RNF17: variants seen among roughly 807,000 people sequenced by gnomAD.
RNF17 encodes ring finger protein 17.
RNF17 carries 31 observed loss-of-function variants against 200.5 expected under a neutral mutation model. That is an observed-to-expected ratio of 0.15 (90% CI 0.12 to 0.21). RNF17 has a LOEUF of 0.21. Ranked by LOEUF, RNF17 falls within the 10% of genes least tolerant of loss-of-function variation. The pLI, the probability that RNF17 is intolerant of heterozygous loss-of-function variation, is 1.00. For synonymous variants in RNF17, 606 were observed against 637.8 expected (o/e 0.95, Z 0.75); for missense variants, 1,628 against 1,905.1 (o/e 0.85, Z 2.71).
At chr13:24,851,334 G>T in intron 23 of RNF17, 122 bp from the exon 24 acceptor site, 1 of 731,176 alleles carries the variant, frequency 1.4e-6, no homozygotes, top group South Asian at 1.6e-5. Context: ...AAAATAACTT[G>T]ACTCAGCTGG....
intron 9 of RNF17, among the ~76,000 whole-genome samples, chr13:24,792,403 A>C (rs1456588388): frequency 1.3e-5 from 2 of 151,988 alleles, no homozygotes; most frequent in Admixed American, 1.3e-4. Context: ...AAGCAGAGAA[A>C]GGGTAATCTG....
intron 33 of RNF17, among the ~76,000 whole-genome samples, chr13:24,874,931 A>G (rs7323957): frequency 0.02 from 3,006 of 152,230 alleles, 100 homozygotes; most frequent in African/African-American, 0.069. Flanking sequence ...CATATAAGTA[A>G]ATTCATACAG....
rs558816778 is a variant in RNF17, at chr13:24,812,328, G to C, written c.2091+7899G>C. On this transcript the variant is annotated intron_variant, in intron 15 of 35. Transcript: ENST00000255324. ...GCGTAGGACACTCTGAGCCATGTGCGGGATATAATCTCCTGGCGCGCCATT... is the reference window on the plus strand; with the variant it reads ...GCGTAGGACACTCTGAGCCATGTGCCGGATATAATCTCCTGGCGCGCCATT... Among the ~76,000 whole-genome samples the C allele has an allele frequency of 2.0e-5, 3 of 152,020 alleles. 1 individual carries two copies. In the East Asian group the frequency reaches 6.0e-4, roughly 30 times the overall value.
At chr13:24,838,391 A>G (rs940911386) in intron 18 of RNF17, among the ~76,000 whole-genome samples, 1 of 152,128 alleles carries the variant, frequency 6.6e-6, no homozygotes, top group African/African-American at 2.4e-5. Context: ...AAAGAAAACT[A>G]TAGACTGATA....
At chr13:24,873,015 T>C (rs2138433753) in intron 32 of RNF17, among the ~76,000 whole-genome samples, 1 of 152,278 alleles carries the variant, frequency 6.6e-6, no homozygotes, top group East Asian at 1.9e-4. Flanking sequence ...GACTTGATAT[T>C]ACAGGCAGTT....
At chr13:24,813,925 G>A (rs1230860086) in intron 15 of RNF17, among the ~76,000 whole-genome samples, 1 of 146,938 alleles carries the variant, frequency 6.8e-6, no homozygotes, top group African/African-American at 2.5e-5. Context: ...GCCTCCCAAA[G>A]TGCTGAAATT....
rs375469245 is a variant in RNF17, at chr13:24,814,732, C to T, written c.2091+10303C>T. ...CTGTGTATCTGTCCTTATGTCAGTA[C>T]CACACTGTTTTGATTACTGTAGTTG... On this transcript the variant is annotated intron_variant, in intron 15 of 35. Coordinates refer to ENST00000255324, the MANE Select transcript of RNF17 (RefSeq NM_031277.3). Among the ~76,000 whole-genome samples, 5 of 152,324 alleles carry T rather than the reference C, an allele frequency of 3.3e-5. No individual in the cohort carries two copies. In the East Asian group the frequency reaches 7.7e-4, roughly 23 times the overall value.
chr13:24,853,868 G>A lies in RNF17; in HGVS notation c.3334G>A (p.Asp1112Asn). ...TGGATGTTACAGAATTAATAACTTAGATAACAGCCATTCATTATCTGAGAA... is the reference window on the plus strand; with the variant it reads ...TGGATGTTACAGAATTAATAACTTAAATAACAGCCATTCATTATCTGAGAA... ...ALRERRINNL[D>N]NSHSLSEKSL... The change falls in exon 25 of 36, where the codon GAT becomes AAT. Residue 1112 changes from aspartate (D) to asparagine (N), a missense_variant. Around this residue, in one of 5 missense-constraint regions of RNF17, gnomAD observed 609 missense variants for 681.9 expected, o/e 0.89. Coordinates refer to ENST00000255324, the MANE Select transcript of RNF17 (RefSeq NM_031277.3). 1 of 1,605,310 alleles carries A rather than the reference G, an allele frequency of 6.2e-7. No homozygotes were observed. Among genetic ancestry groups the A allele is most frequent in the African/African-American group, 1.3e-5 (1 of 74,546 alleles).
intron 15 of RNF17, among the ~76,000 whole-genome samples, chr13:24,824,569 A>G (rs1593352305): frequency 6.6e-6 from 1 of 152,190 alleles, no homozygotes; most frequent in Admixed American, 6.5e-5. Context: ...TTGGTAGTAT[A>G]GGAAACTTTA....
chr13:24,881,637 T>C (rs76496158), downstream of RNF17, among the ~76,000 whole-genome samples: 20,273 of 150,678 alleles, frequency 0.13, 1,571 homozygotes, highest in East Asian at 0.32. Context: ...TCTAGAGATA[T>C]ATCTAGATAG....
the RNF17 span, among the ~76,000 whole-genome samples, chr13:24,749,365 T>A: frequency 1.4e-5 from 2 of 142,848 alleles, no homozygotes; most frequent in Non-Finnish European, 3.0e-5. Context: ...AGTGCTGTGG[T>A]GCTATCTCAG....
In RNF17 at chr13:24,793,235, C is replaced by G; in HGVS notation, c.1129C>G (p.Gln377Glu). Residue 377 changes from glutamine to glutamate, a missense_variant, in exon 10 of 36, where the codon CAG becomes GAG. Coordinates refer to ENST00000255324, the MANE Select transcript of RNF17 (RefSeq NM_031277.3). Reference sequence around the variant, plus strand: ...TGTACATTTAGAAGCAAAAAACTTCCAGCCACAGAAAGACGTTGCAACAGC... The same window carrying G: ...TGTACATTTAGAAGCAAAAAACTTCGAGCCACAGAAAGACGTTGCAACAGC... ...NDVHLEAKNF[Q>E]PQKDVATASP... The G allele has an allele frequency of 1.9e-6, 3 of 1,614,082 alleles. No individual in the cohort carries two copies. Among genetic ancestry groups the G allele is most frequent in the Non-Finnish European group, 2.5e-6 (3 of 1,179,974 alleles).
At position 24,812,684 on chromosome 13, in the gene RNF17, C is replaced by CG. The variant is rs1395529489; in HGVS notation, c.2091+8255_2091+8256insG. Among the ~76,000 whole-genome samples the CG allele has an allele frequency of 8.1e-5, 7 of 86,940 alleles. 2 individuals carry two copies. Among genetic ancestry groups the CG allele is most frequent in the Non-Finnish European group, 1.6e-4 (7 of 43,082 alleles). 57.0% of individuals were successfully genotyped at this position (86,940 alleles called of 152,430 possible). ...GCTCCTCCCCTCCCCGCCCCACCCC[C>CG]TTTTTTTTTTTTTTTGAGACGCAGT... On this transcript the variant is annotated intron_variant, in intron 15 of 35. Coordinates refer to ENST00000255324, the MANE Select transcript of RNF17 (RefSeq NM_031277.3).
At chr13:24,856,947 G>A (rs1308563678) in intron 25 of RNF17, among the ~76,000 whole-genome samples, 1 of 152,104 alleles carries the variant, frequency 6.6e-6, no homozygotes, top group African/African-American at 2.4e-5. Flanking sequence ...ACAAAGCAAA[G>A]GCAAAGTTAG....
chr13:24,856,113 T>A (rs945565820), intron 25 of RNF17, among the ~76,000 whole-genome samples: 3 of 152,112 alleles, frequency 2.0e-5, no homozygotes, highest in Admixed American at 1.3e-4. Flanking sequence ...TTTTTGGTTT[T>A]GTATCTCGTT....
the RNF17 span, among the ~76,000 whole-genome samples, chr13:24,887,243 C>T: frequency 1.1e-4 from 16 of 152,310 alleles, no homozygotes; most frequent in East Asian, 2.5e-3. Context: ...GGAGAAGATA[C>T]TGATTTGCAA....
downstream of RNF17, among the ~76,000 whole-genome samples, chr13:24,880,330 C>T (rs552481705): frequency 8.5e-5 from 13 of 152,260 alleles, no homozygotes; most frequent in African/African-American, 3.1e-4. Flanking sequence ...AAACCACCCC[C>T]GTGATCTGAT....
rs1003971133 is a variant in RNF17, at chr13:24,802,507, A to T, written c.1885A>T (p.Asn629Tyr). 1 of 1,613,924 alleles carries T rather than the reference A, an allele frequency of 6.2e-7. No individual in the cohort carries two copies. The highest frequency in any genetic ancestry group is 1.7e-5 in the Admixed American group (1 of 59,990). The change falls in exon 14 of 36, where the codon AAT (asparagine) becomes TAT (tyrosine). Residue 629 changes from asparagine (N) to tyrosine (Y), a missense_variant. By Grantham distance (143) the Asn-to-Tyr change is moderately radical. Transcript: ENST00000255324. ...TGTAGATCTGCAAAAACCACCACCG[A>T]ATAAAATAAGCAGTGATATGCCTGT... ...LIVDLQKPPP[N>Y]KISSDMPVSL...
chr13:24,774,832 C>T lies in RNF17; in HGVS notation c.245C>T (p.Thr82Ile). 6.2e-7 allele frequency: 1 copy of T among 1,611,066 alleles called. No homozygotes were observed. Among genetic ancestry groups the T allele is most frequent in the Non-Finnish European group, 8.5e-7 (1 of 1,177,934 alleles). Residue 82 changes from threonine to isoleucine, a missense_variant, in exon 3 of 36, where the codon ACT becomes ATT. Coordinates refer to ENST00000255324, the MANE Select transcript of RNF17 (RefSeq NM_031277.3). The stretch of plus-strand genomic sequence containing the variant: ...CCTAAGGTTGCTACAGCTGTAAATA[C>T]TAGACAACGCTACTACCCAATGGCT... ...PDCEVATAVNTRQRYYPMAGY... is the reference protein window; with the variant it reads ...PDCEVATAVNIRQRYYPMAGY...
Sources: gnomAD v4.1 joint callset for allele counts (sites outside exome capture counted in the v4.1 genomes callset) on GRCh38, gnomAD v4.1.1 for gene constraint, gnomAD v4.1.1 regional missense constraint, MANE v1.5 for transcripts, NCBI Gene and HGNC (gene_info 2026-07-23, HGNC 2026-07-21) for gene names.